Variants in TGFBRAP1 observed in about 807,000 individuals in gnomAD.
TGFBRAP1 encodes transforming growth factor beta receptor associated protein 1, also known as transforming growth factor-beta receptor-associated protein 1.
A neutral mutation model predicts 83.2 loss-of-function variants in TGFBRAP1; 20 were observed. The ratio of observed to expected loss-of-function variants is 0.24; its 90% CI spans 0.17 to 0.35. The LOEUF (loss-of-function observed/expected upper bound fraction) is 0.35. TGFBRAP1 is among the 10% of genes least tolerant of loss of function. TGFBRAP1 has a pLI of 1.00. For synonymous variants in TGFBRAP1, 415 were observed against 459.8 expected, an observed-to-expected ratio of 0.90 and a Z score of 1.25; for missense variants, 950 against 1,099.4, an observed-to-expected ratio of 0.86 and a Z score of 1.92.
At chr2:105,303,572 G>A (rs933314609) in intron 2 of TGFBRAP1, among the ~76,000 whole-genome samples, 1 of 152,186 alleles carries the variant, frequency 6.6e-6, no homozygotes, top group African/African-American at 2.4e-5. Flanking sequence ...GCGTCCACGA[G>A]TTTATAATGA....
At chr2:105,252,804 A>AG in the TGFBRAP1 span, among the ~76,000 whole-genome samples, 4 of 144,644 alleles carry the variant, frequency 2.8e-5, no homozygotes, top group Non-Finnish European at 6.0e-5. Flanking sequence ...CCAGGCTGGA[A>AG]TGCAGTGGCG....
intron 1 of TGFBRAP1, among the ~76,000 whole-genome samples, chr2:105,319,739 T>TA (rs1678999587): frequency 6.7e-6 from 1 of 149,154 alleles, no homozygotes; most frequent in Non-Finnish European, 1.5e-5. Context: ...AACTCCAACA[T>TA]TAACTATATA....
At chr2:105,315,474 GCAAACGACTCATATC>G (rs2104407269) in intron 1 of TGFBRAP1, among the ~76,000 whole-genome samples, 1 of 152,200 alleles carries the variant, frequency 6.6e-6, no homozygotes, top group African/African-American at 2.4e-5. Context: ...CATATATCTG[GCAAACGACTCATATC>G]CAGAATATAG....
the TGFBRAP1 span, among the ~76,000 whole-genome samples, chr2:105,251,704 G>C: frequency 2.6e-5 from 4 of 152,156 alleles, no homozygotes; most frequent in Non-Finnish European, 5.9e-5. Flanking sequence ...AATAGAAAGG[G>C]GGGAAAGGTG....
At chr2:105,302,940 A>T (rs1678351115) in intron 2 of TGFBRAP1, among the ~76,000 whole-genome samples, 1 of 152,222 alleles carries the variant, frequency 6.6e-6, no homozygotes, top group Non-Finnish European at 1.5e-5. Context: ...ACAAACCATC[A>T]GAGTTTCCAA....
At chr2:105,255,704 T>C in the TGFBRAP1 span, among the ~76,000 whole-genome samples, 1 of 152,084 alleles carries the variant, frequency 6.6e-6, no homozygotes, top group Non-Finnish European at 1.5e-5. Context: ...GGGGTCGCCA[T>C]CCACCTGTGC....
At position 105,325,442 on chromosome 2, in the gene TGFBRAP1, C is replaced by A. The variant is rs568230210; in HGVS notation, c.-18+4183G>T. ...CTGGCTACAAGGTGATGAAACAGGG[C>A]TTTGACCCTAGTTTTTGTTCGTGAC... On this transcript the variant is annotated intron_variant, in intron 1 of 11. Transcript: ENST00000393359. 2.6e-5 allele frequency among the ~76,000 whole-genome samples: 4 copies of A among 152,272 alleles called. No homozygotes were observed. In the East Asian group the frequency reaches 5.8e-4, roughly 22 times the overall value.
chr2:105,298,762 C>A, intron 2 of TGFBRAP1, 57 bp from the exon 3 acceptor site: 2 of 1,496,090 alleles, frequency 1.3e-6, no homozygotes, highest in African/African-American at 2.8e-5. Flanking sequence ...TGTCATTTTC[C>A]TGTAGCTATG....
At position 105,288,755 on chromosome 2, in the gene TGFBRAP1, C is replaced by T. The variant is rs559365178; in HGVS notation, c.1039-4357G>A. 6.7e-4 allele frequency among the ~76,000 whole-genome samples: 102 copies of T among 152,246 alleles called. 2 individuals are homozygous for T. Among genetic ancestry groups the T allele is most frequent in the African/African-American group, 2.2e-3 (92 of 41,550 alleles). ...CTTTCCCGAAATATATTAGGTGGAA[C>T]ATGAGGACCATGGCATTCTCCTTGT... On this transcript the variant is annotated intron_variant, in intron 4 of 11. Transcript: ENST00000393359.
intron 1 of TGFBRAP1, among the ~76,000 whole-genome samples, chr2:105,316,719 C>G (rs1057359498): frequency 6.6e-6 from 1 of 151,612 alleles, no homozygotes; most frequent in African/African-American, 2.4e-5. Flanking sequence ...AAGGCTGATG[C>G]AGGAGAATCG....
At chr2:105,262,781 A>T (rs902229298), downstream of TGFBRAP1, among the ~76,000 whole-genome samples, 2 of 152,198 alleles carry the variant, frequency 1.3e-5, no homozygotes, top group Admixed American at 1.3e-4. Context: ...GCTGAATGAT[A>T]GCTATTTGTT....
At chr2:105,319,740 T>C (rs1678999652) in intron 1 of TGFBRAP1, among the ~76,000 whole-genome samples, 1 of 149,626 alleles carries the variant, frequency 6.7e-6, no homozygotes, top group Non-Finnish European at 1.5e-5. Context: ...ACTCCAACAT[T>C]AACTATATAA....
intron 4 of TGFBRAP1, among the ~76,000 whole-genome samples, chr2:105,289,838 T>C (rs989835448): frequency 6.6e-6 from 1 of 152,216 alleles, no homozygotes; most frequent in Non-Finnish European, 1.5e-5. Context: ...TAAGTTTTAA[T>C]GTTGACAGAT....
At chr2:105,260,679 T>C (rs913112418), downstream of TGFBRAP1, among the ~76,000 whole-genome samples, 2 of 152,022 alleles carry the variant, frequency 1.3e-5, no homozygotes, top group South Asian at 4.1e-4. Context: ...GTGATGATGA[T>C]TGCATAACAA....
chr2:105,272,962 A>T lies in TGFBRAP1; in HGVS notation c.1865T>A (p.Leu622Gln), dbSNP rs1677211962. The T allele has an allele frequency of 7.4e-6, 12 of 1,613,482 alleles. No individual in the cohort carries two copies. The highest frequency in any genetic ancestry group is 1.0e-5 in the Non-Finnish European group (12 of 1,180,034). ...CTTGCCACTGGCGGAGGCCCTCTGC[A>T]GCAGCACCTCTTCCAGGTACAGCAC... ...LAVLYLEEVL[L>Q]QRASASGKGA... The change falls in exon 10 of 12, where the codon CTG (leucine) becomes CAG (glutamine). Residue 622 changes from leucine (L) to glutamine (Q), a missense_variant. Transcript: ENST00000393359.
downstream of TGFBRAP1, among the ~76,000 whole-genome samples, chr2:105,260,575 G>A (rs1676766460): frequency 6.6e-6 from 1 of 152,308 alleles, no homozygotes; most frequent in South Asian, 2.1e-4. Context: ...AGAATGGTGG[G>A]TGTCAGGGGC....
chr2:105,275,639 A>T lies in TGFBRAP1; in HGVS notation c.1586T>A (p.Ile529Asn). Residue 529 changes from isoleucine (I) to asparagine (N), a missense_variant, in exon 8 of 12, where the codon ATC becomes AAC. Ile to Asn is a moderately radical substitution (Grantham distance 149). Transcript: ENST00000393359. ...DSTRSDLYEY[I>N]VDFLTYCLDE... Reference sequence around the variant, plus strand: ...TAAGCAGTAGGTAAGAAAATCCACGATGTATTCATACAGGTCTGAGCGTGT... The same window carrying T: ...TAAGCAGTAGGTAAGAAAATCCACGTTGTATTCATACAGGTCTGAGCGTGT... The T allele has an allele frequency of 1.2e-6, 2 of 1,614,162 alleles. No individual in the cohort carries two copies. Among genetic ancestry groups the T allele is most frequent in the Non-Finnish European group, 1.7e-6 (2 of 1,180,028 alleles).
intron 1 of TGFBRAP1, among the ~76,000 whole-genome samples, chr2:105,311,159 AAACAAAAAAC>A (rs1558651731): frequency 1.4e-5 from 2 of 144,600 alleles, no homozygotes; most frequent in African/African-American, 4.9e-5. Flanking sequence ...AAAAAAAAAA[AAACAAAAAAC>A]AAAAAAACAT....
intron 2 of TGFBRAP1, among the ~76,000 whole-genome samples, chr2:105,301,154 G>A (rs552132953): frequency 1.1e-3 from 164 of 152,278 alleles, no homozygotes; most frequent in African/African-American, 3.9e-3. Flanking sequence ...CCGGGGAGGC[G>A]GAGGTTGCAG....
Sources: gnomAD v4.1 joint callset for allele counts (sites outside exome capture counted in the v4.1 genomes callset) on GRCh38, gnomAD v4.1.1 for gene constraint, MANE v1.5 for transcripts, NCBI Gene and HGNC (gene_info 2026-07-23, HGNC 2026-07-21) for gene names.